VWC2L: variants seen among roughly 807,000 people sequenced by gnomAD.
VWC2L encodes von Willebrand factor C domain containing 2 like.
Under a neutral mutation model 21.6 loss-of-function variants are expected in VWC2L, and 10 were observed. The ratio of observed to expected loss-of-function variants is 0.46; its 90% CI spans 0.29 to 0.78. The LOEUF (loss-of-function observed/expected upper bound fraction) is 0.78, where lower values mean the gene tolerates loss of function less well. Among genes scored for constraint, VWC2L ranks in the 30% least tolerant of loss-of-function variants. The pLI is 0.10. For missense variants in VWC2L, 209 were observed against 277.1 expected (o/e 0.75, Z 1.74); for synonymous variants, 96 against 94.3 (o/e 1.02, Z -0.10).
intron 3 of VWC2L, among the ~76,000 whole-genome samples, chr2:214,524,964 A>G (rs1574616338): frequency 6.7e-6 from 1 of 150,176 alleles, no homozygotes; most frequent in African/African-American, 2.4e-5. Flanking sequence ...AGAAATGTCA[A>G]GTACAAGACA....
At chr2:214,461,703 G>A (rs1387539313) in intron 3 of VWC2L, among the ~76,000 whole-genome samples, 1 of 152,190 alleles carries the variant, frequency 6.6e-6, no homozygotes, top group Non-Finnish European at 1.5e-5. Flanking sequence ...AAGCTCCCTA[G>A]TGGTACACAC....
intron 3 of VWC2L, among the ~76,000 whole-genome samples, chr2:214,480,238 T>A (rs1352752164): frequency 6.6e-6 from 1 of 152,180 alleles, no homozygotes; most frequent in African/African-American, 2.4e-5. Context: ...TTCTTACTAA[T>A]TCCTGATATT....
chr2:214,570,484 C>T (rs913721674), intron 3 of VWC2L, among the ~76,000 whole-genome samples: 2 of 152,134 alleles, frequency 1.3e-5, no homozygotes, highest in Non-Finnish European at 2.9e-5. Context: ...CTGCCTCAGC[C>T]TCCCAAGTAG....
At chr2:214,511,452 G>A (rs12694336) in intron 3 of VWC2L, among the ~76,000 whole-genome samples, 67,815 of 151,884 alleles carry the variant, frequency 0.45, 15,933 homozygotes, top group East Asian at 0.73. Flanking sequence ...CCCTAATGCC[G>A]TAAGACTGTG....
rs368708137 is a variant in VWC2L at position 214,491,645 on chromosome 2, G to A, written c.520+54887G>A. Among the ~76,000 whole-genome samples, 6 of 152,172 alleles carry A rather than the reference G, an allele frequency of 3.9e-5. No individual in the cohort carries two copies. In the East Asian group the frequency reaches 7.7e-4, roughly 20 times the overall value. On this transcript the variant is annotated intron_variant, in intron 3 of 3. Transcript: ENST00000312504. ...TCCCCAGAATCAGAGATTTCCCTTC[G>A]TGCCCTGAGTCCTTTCACTCAATTC...
intron 3 of VWC2L, among the ~76,000 whole-genome samples, chr2:214,540,461 T>C (rs527552868): frequency 6.6e-6 from 1 of 152,278 alleles, no homozygotes; most frequent in East Asian, 1.9e-4. Context: ...GCAATGCTGC[T>C]TGAAAACAAG....
chr2:214,567,595 C>CAGAGAGAGAGAGAGAGAGAGAG (rs10528003), intron 3 of VWC2L, among the ~76,000 whole-genome samples: 2 of 135,310 alleles, frequency 1.5e-5, no homozygotes, highest in African/African-American at 6.2e-5. Context: ...CACACACACA[C>CAGAGAGAGAGAGAGAGAGAGAG]AGAGAGAGAG....
chr2:214,482,552 C>CATAT (rs56972597), intron 3 of VWC2L, among the ~76,000 whole-genome samples: 137 of 144,680 alleles, frequency 9.5e-4, no homozygotes, highest in Non-Finnish European at 4.1e-4. Flanking sequence ...CACACACACA[C>CATAT]ATATATATAT....
chr2:214,440,035 A>G (rs1474867614), intron 3 of VWC2L, among the ~76,000 whole-genome samples: 4 of 151,964 alleles, frequency 2.6e-5, no homozygotes, highest in Non-Finnish European at 4.4e-5. Context: ...TTGTGTAAAG[A>G]AGAGAGTTTT....
intron 3 of VWC2L, among the ~76,000 whole-genome samples, chr2:214,448,067 T>G (rs1461329684): frequency 1.3e-5 from 2 of 152,070 alleles, no homozygotes; most frequent in East Asian, 3.9e-4. Context: ...AAATCACCAC[T>G]GACGAGTCCA....
At chr2:214,491,709 G>A (rs1043890519) in intron 3 of VWC2L, among the ~76,000 whole-genome samples, 2 of 152,076 alleles carry the variant, frequency 1.3e-5, no homozygotes, top group Non-Finnish European at 2.9e-5. Flanking sequence ...AGAGAACACT[G>A]GAGTCAGATG....
intron 2 of VWC2L, among the ~76,000 whole-genome samples, chr2:214,425,804 G>C (rs1439572727): frequency 6.6e-6 from 1 of 152,090 alleles, no homozygotes; most frequent in Admixed American, 6.6e-5. Flanking sequence ...GGTGCGCCTA[G>C]TCTATCTAAA....
intron 3 of VWC2L, among the ~76,000 whole-genome samples, chr2:214,465,194 CAGA>C (rs932947103): frequency 1.3e-5 from 2 of 152,162 alleles, no homozygotes; most frequent in Non-Finnish European, 2.9e-5. Flanking sequence ...TTTCCTCAGG[CAGA>C]AGGAGTATCT....
At chr2:214,420,138 G>A (rs1264262841) in intron 2 of VWC2L, among the ~76,000 whole-genome samples, 2 of 152,244 alleles carry the variant, frequency 1.3e-5, no homozygotes, top group Non-Finnish European at 2.9e-5. Context: ...ATGCCAATTT[G>A]GATTTAGAAT....
chr2:214,475,745 C>CA (rs61274953), intron 3 of VWC2L, among the ~76,000 whole-genome samples: 463 of 142,826 alleles, frequency 3.2e-3, no homozygotes, highest in African/African-American at 8.8e-3. Flanking sequence ...AATGTTGGCT[C>CA]AAAAAAAAAA....
At chr2:214,456,258 T>C (rs181157846) in intron 3 of VWC2L, among the ~76,000 whole-genome samples, 14 of 152,258 alleles carry the variant, frequency 9.2e-5, no homozygotes, top group African/African-American at 2.9e-4. Context: ...TGATATCTCA[T>C]TGGGTTTTGA....
chr2:214,455,329 G>C (rs1374058667), intron 3 of VWC2L, among the ~76,000 whole-genome samples: 1 of 152,074 alleles, frequency 6.6e-6, no homozygotes. Flanking sequence ...TAAGCTGCTG[G>C]ATTTATGGTC....
intron 3 of VWC2L, among the ~76,000 whole-genome samples, chr2:214,524,468 C>G (rs988388402): frequency 6.6e-6 from 1 of 152,142 alleles, no homozygotes; most frequent in Non-Finnish European, 1.5e-5. Context: ...TAAGTTTTCT[C>G]TAAAAATGAG....
At chr2:214,511,914 A>G in intron 3 of VWC2L, among the ~76,000 whole-genome samples, 1 of 14,988 alleles carries the variant, frequency 6.7e-5, no homozygotes, top group Admixed American at 1.6e-3. Context: ...CTTTATATAT[A>G]CATATACACA....
Sources: allele counts gnomAD v4.1 joint callset (sites outside exome capture counted in the v4.1 genomes callset), GRCh38; gene constraint gnomAD v4.1.1; transcripts MANE v1.5; gene names NCBI Gene and HGNC (gene_info 2026-07-23, HGNC 2026-07-21).